The following CNTNAP2 variants were observed in gnomAD, a reference collection of about 807,000 sequenced individuals.
CNTNAP2 encodes contactin associated protein 2.
A neutral mutation model predicts 155.2 loss-of-function variants in CNTNAP2; 98 were observed. The observed-to-expected ratio is 0.63, with a 90% CI of 0.54 to 0.75. The LOEUF is 0.75. Ranked by LOEUF, CNTNAP2 falls within the 30% of genes least tolerant of loss-of-function variation. CNTNAP2 has a pLI of 0.00. For synonymous variants in CNTNAP2, 651 were observed against 631.2 expected, an observed-to-expected ratio of 1.03 and a Z score of -0.47; for missense variants, 1,727 against 1,688.1, an observed-to-expected ratio of 1.02 and a Z score of -0.40.
chr7:148,063,396 T>C (rs1300025591), intron 15 of CNTNAP2, among the ~76,000 whole-genome samples: 3 of 152,046 alleles, frequency 2.0e-5, no homozygotes. Context: ...ATTATACATA[T>C]TGTACCACTT....
At chr7:148,407,426 G>A (rs766540016) in intron 22 of CNTNAP2, among the ~76,000 whole-genome samples, 8 of 152,106 alleles carry the variant, frequency 5.3e-5, no homozygotes, top group Admixed American at 1.3e-4. Flanking sequence ...CCAATTGGCC[G>A]GGCATGGTGG....
Position 148,113,986 on chromosome 7 carries a change from G to A in CNTNAP2, c.2384-4132G>A, listed in dbSNP as rs192752033. Among the ~76,000 whole-genome samples the A allele has an allele frequency of 1.2e-3, 186 of 152,042 alleles. 1 individual carries two copies. Among genetic ancestry groups the A allele is most frequent in the Admixed American group, 3.9e-3 (60 of 15,286 alleles). ...CCAGCCTTGCCTCCTCCACTTATCC[G>A]TGCTGGCCTGGTCCCTGCCACCTCC... On this transcript the variant is annotated intron_variant, in intron 15 of 23. Transcript: ENST00000361727.
chr7:146,302,722 A>G (rs1237690128), intron 1 of CNTNAP2, among the ~76,000 whole-genome samples: 1 of 152,118 alleles, frequency 6.6e-6, no homozygotes, highest in Non-Finnish European at 1.5e-5. Flanking sequence ...AAACCATACA[A>G]TTCCAGCCAT....
chr7:147,979,228 T>C (rs1801482560), intron 15 of CNTNAP2, among the ~76,000 whole-genome samples: 1 of 152,180 alleles, frequency 6.6e-6, no homozygotes, highest in Non-Finnish European at 1.5e-5. Context: ...TTGAGACTGG[T>C]CAAGATCTTT....
At chr7:146,903,728 G>C (rs1796053456) in intron 3 of CNTNAP2, among the ~76,000 whole-genome samples, 1 of 152,086 alleles carries the variant, frequency 6.6e-6, no homozygotes, top group South Asian at 2.1e-4. Flanking sequence ...GGAAAGGATG[G>C]GCAAAGAGAA....
At chr7:147,008,387 A>G (rs2129243054) in intron 3 of CNTNAP2, among the ~76,000 whole-genome samples, 1 of 152,240 alleles carries the variant, frequency 6.6e-6, no homozygotes, top group South Asian at 2.1e-4. Flanking sequence ...TTCATTTTCA[A>G]AATTTACACT....
chr7:147,910,801 G>C (rs1800050859), intron 14 of CNTNAP2, among the ~76,000 whole-genome samples: 1 of 152,126 alleles, frequency 6.6e-6, no homozygotes, highest in Non-Finnish European at 1.5e-5. Context: ...ATCTCCACCT[G>C]GTCCCGCCCT....
chr7:147,520,321 T>G (rs1168650127), intron 11 of CNTNAP2, among the ~76,000 whole-genome samples: 2 of 152,228 alleles, frequency 1.3e-5, no homozygotes, highest in African/African-American at 2.4e-5. Flanking sequence ...TTACATTTCT[T>G]ATAGCTTCCT....
intron 8 of CNTNAP2, among the ~76,000 whole-genome samples, chr7:147,233,742 G>GA (rs1037566750): frequency 2.0e-5 from 3 of 151,438 alleles, no homozygotes; most frequent in Non-Finnish European, 2.9e-5. Context: ...TTGAAAAAAG[G>GA]AAAAAAGTCT....
intron 11 of CNTNAP2, among the ~76,000 whole-genome samples, chr7:147,495,686 A>G (rs1371916642): frequency 2.6e-5 from 4 of 152,330 alleles, no homozygotes; most frequent in African/African-American, 9.6e-5. Flanking sequence ...GGCCCAGAAG[A>G]CAGTGGTTTT....
At chr7:147,151,931 GT>G (rs1801835690) in intron 8 of CNTNAP2, among the ~76,000 whole-genome samples, 1 of 152,052 alleles carries the variant, frequency 6.6e-6, no homozygotes, top group Admixed American at 6.5e-5. Context: ...AGCCTTCCTT[GT>G]TAATTGCTAA....
intron 13 of CNTNAP2, among the ~76,000 whole-genome samples, chr7:147,692,736 T>A (rs905410555): frequency 2.0e-5 from 3 of 152,062 alleles, no homozygotes; most frequent in African/African-American, 7.2e-5. Context: ...TTCGGTATAG[T>A]TTGGATGACA....
intron 13 of CNTNAP2, among the ~76,000 whole-genome samples, chr7:147,865,900 G>C (rs1799218282): frequency 1.3e-5 from 2 of 151,930 alleles, no homozygotes; most frequent in African/African-American, 2.4e-5. Flanking sequence ...TTTTTGAAGG[G>C]TTTTTTTGTG....
chr7:147,817,938 T>C (rs1798301225), intron 13 of CNTNAP2, among the ~76,000 whole-genome samples: 1 of 151,206 alleles, frequency 6.6e-6, no homozygotes, highest in East Asian at 1.9e-4. Flanking sequence ...AAGAAAAAAA[T>C]TAAGCAGATG....
chr7:147,453,640 G>T (rs1797871886), intron 10 of CNTNAP2, among the ~76,000 whole-genome samples: 1 of 152,158 alleles, frequency 6.6e-6, no homozygotes, highest in East Asian at 1.9e-4. Context: ...TAACACTCGT[G>T]TAAGTGAGCC....
At chr7:146,383,262 T>TTC (rs1196606004) in intron 1 of CNTNAP2, among the ~76,000 whole-genome samples, 1 of 152,180 alleles carries the variant, frequency 6.6e-6, no homozygotes, top group Non-Finnish European at 1.5e-5. Context: ...AAATGTGCTC[T>TTC]TCCAATCAAT....
At chr7:146,135,936 C>T (rs1379334871) in intron 1 of CNTNAP2, among the ~76,000 whole-genome samples, 1 of 151,990 alleles carries the variant, frequency 6.6e-6, no homozygotes, top group Non-Finnish European at 1.5e-5. Flanking sequence ...ATACTCTGTC[C>T]TCTTGTTTGA....
At chr7:147,079,607 G>GATAATA (rs199892012) in intron 4 of CNTNAP2, among the ~76,000 whole-genome samples, 1 of 147,402 alleles carries the variant, frequency 6.8e-6, no homozygotes, top group African/African-American at 2.5e-5. Context: ...TAATAATAAT[G>GATAATA]ATAATAATAA....
intron 8 of CNTNAP2, among the ~76,000 whole-genome samples, chr7:147,295,718 C>T (rs1475211134): frequency 1.3e-5 from 2 of 152,142 alleles, no homozygotes; most frequent in East Asian, 3.9e-4. Context: ...GAAATTGGGT[C>T]TTCCTTGCCA....
Sources: allele counts gnomAD v4.1 joint callset (sites outside exome capture counted in the v4.1 genomes callset), GRCh38; gene constraint gnomAD v4.1.1; transcripts MANE v1.5; gene names NCBI Gene and HGNC (gene_info 2026-07-23, HGNC 2026-07-21).